CASTOR2: variants seen among roughly 807,000 people sequenced by gnomAD.
The protein encoded by CASTOR2 is GATS protein like 2.
CASTOR2 carries 8 observed loss-of-function variants against 31.2 expected under a neutral mutation model. The ratio of observed to expected loss-of-function variants is 0.26; its 90% CI spans 0.15 to 0.46. The LOEUF is 0.46. Ranked by LOEUF, CASTOR2 falls within the 20% of genes least tolerant of loss-of-function variation. The probability of loss-of-function intolerance (pLI) is 0.99; values close to 1 mark genes in which losing one functional copy is unlikely to be tolerated. For missense variants in CASTOR2, 216 were observed against 382.1 expected (o/e 0.57, Z 3.62); for synonymous variants, 162 against 158.7 (o/e 1.02, Z -0.16).
intron 1 of CASTOR2, among the ~76,000 whole-genome samples, chr7:74,989,983 T>G (rs1320458340): frequency 1.3e-5 from 2 of 152,140 alleles, no homozygotes; most frequent in Non-Finnish European, 2.9e-5. Context: ...TGAAAATCTG[T>G]ACATTTTGTT....
intron 2 of CASTOR2, among the ~76,000 whole-genome samples, chr7:75,011,947 A>G (rs1804760035): frequency 6.6e-6 from 1 of 151,638 alleles, no homozygotes; most frequent in Non-Finnish European, 1.5e-5. Context: ...AGCCTGGGGG[A>G]CAGAGTGAGA....
rs891305337 is a variant in CASTOR2 at position 75,026,605 on chromosome 7, C to A, written c.*1906C>A. Among the ~76,000 whole-genome samples, 569 of 152,260 alleles carry A rather than the reference C, an allele frequency of 3.7e-3. 5 individuals are homozygous for A. Among genetic ancestry groups the A allele is most frequent in the African/African-American group, 0.012 (484 of 41,542 alleles). On this transcript the variant is annotated 3_prime_UTR_variant, in exon 9 of 9. Transcript: ENST00000616305. ...CCTGGAAGCCCACCAGAAGGAGAAG[C>A]TGTTCTTTAAAATCCTTGTGGGTGT...
intron 1 of CASTOR2, among the ~76,000 whole-genome samples, chr7:75,000,255 C>G (rs1166430070): frequency 6.6e-6 from 1 of 152,120 alleles, no homozygotes. Flanking sequence ...ATGAATGCTA[C>G]TATTAGCCAC....
chr7:74,994,805 G>T (rs1382777125), intron 1 of CASTOR2, among the ~76,000 whole-genome samples: 1 of 152,022 alleles, frequency 6.6e-6, no homozygotes, highest in Non-Finnish European at 1.5e-5. Context: ...AGGGAGAGAA[G>T]TGCAAGTCTG....
At chr7:74,998,165 T>C (rs1804397454) in intron 1 of CASTOR2, among the ~76,000 whole-genome samples, 2 of 152,102 alleles carry the variant, frequency 1.3e-5, no homozygotes, top group Admixed American at 1.3e-4. Flanking sequence ...TTAACCCAAC[T>C]AAGCTTCGGT....
At chr7:74,985,969 C>T (rs587751269) in intron 1 of CASTOR2, among the ~76,000 whole-genome samples, 3,578 of 152,146 alleles carry the variant, frequency 0.024, 56 homozygotes, top group Non-Finnish European at 0.03. Flanking sequence ...ACTCTGTTGC[C>T]CAGGCTGGAG....
intron 1 of CASTOR2, among the ~76,000 whole-genome samples, chr7:74,992,079 A>C (rs1384738124): frequency 1.3e-5 from 2 of 152,044 alleles, no homozygotes; most frequent in Non-Finnish European, 2.9e-5. Context: ...GGTGAAGGGC[A>C]GGCTGGGGGC....
At chr7:74,999,406 G>T (rs1464682311) in intron 1 of CASTOR2, among the ~76,000 whole-genome samples, 1 of 151,848 alleles carries the variant, frequency 6.6e-6, no homozygotes, top group Non-Finnish European at 1.5e-5. Flanking sequence ...ACTTGAAAGG[G>T]CAGCTTCTAG....
intron 1 of CASTOR2, among the ~76,000 whole-genome samples, chr7:74,985,390 G>A (rs1306362223): frequency 1.3e-5 from 2 of 151,696 alleles, no homozygotes; most frequent in Non-Finnish European, 2.9e-5. Context: ...GACCAGCCTG[G>A]GCAACATAGT....
chr7:75,024,727 C>A lies in CASTOR2; in HGVS notation c.*28C>A. The A allele has an allele frequency of 1.3e-6, 2 of 1,551,572 alleles. No homozygotes were observed. The highest frequency in any genetic ancestry group is 1.7e-6 in the Non-Finnish European group (2 of 1,146,838). ...GGGTCTCTTCTGCTCCTCCCTGCCG[C>A]CGCCCGGGCCCAGCCCTAACCCTGA... On this transcript the variant is annotated 3_prime_UTR_variant, in exon 9 of 9. Coordinates refer to ENST00000616305, the MANE Select transcript of CASTOR2 (RefSeq NM_001145064.3).
rs961509965 is a variant in CASTOR2, at chr7:75,029,173, C to T, written c.*4474C>T. Among the ~76,000 whole-genome samples the T allele has an allele frequency of 1.4e-4, 21 of 152,174 alleles. No individual in the cohort carries two copies. Among genetic ancestry groups the T allele is most frequent in the African/African-American group, 4.8e-4 (20 of 41,432 alleles). ...ATTTGGTGATCTTCAAAGGTGAACA[C>T]AGGCCACCTCCCACTGGCCCCCTCC... is the stretch of plus-strand genomic sequence containing the variant. On this transcript the variant is annotated 3_prime_UTR_variant, in exon 9 of 9. Transcript: ENST00000616305.
intron 2 of CASTOR2, among the ~76,000 whole-genome samples, chr7:75,012,490 A>G (rs1289145767): frequency 6.6e-6 from 1 of 150,828 alleles, no homozygotes; most frequent in East Asian, 1.9e-4. Context: ...TATTTTTAGT[A>G]GAGACAGGGT....
At chr7:75,021,557 C>T (rs1805001179) in intron 6 of CASTOR2, among the ~76,000 whole-genome samples, 1 of 152,174 alleles carries the variant, frequency 6.6e-6, no homozygotes, top group African/African-American at 2.4e-5. Flanking sequence ...AACCGCAGCC[C>T]CGGTGCTATT....
At chr7:75,000,144 T>G (rs1183983604) in intron 1 of CASTOR2, among the ~76,000 whole-genome samples, 6 of 152,186 alleles carry the variant, frequency 3.9e-5, no homozygotes, top group Admixed American at 1.3e-4. Context: ...GAGGATCGCT[T>G]GAGCCCAGGA....
At chr7:75,012,482 T>A (rs1319858972) in intron 2 of CASTOR2, among the ~76,000 whole-genome samples, 3 of 150,624 alleles carry the variant, frequency 2.0e-5, no homozygotes, top group Non-Finnish European at 4.4e-5. Context: ...TTTTTTTGTA[T>A]TTTTAGTAGA....
intron 1 of CASTOR2, among the ~76,000 whole-genome samples, chr7:74,987,126 C>T (rs1256721863): frequency 2.6e-5 from 4 of 151,956 alleles, no homozygotes; most frequent in South Asian, 2.1e-4. Flanking sequence ...CAGCACCGGC[C>T]GGGCGCAGTG....
At chr7:74,997,027 G>T (rs1804369770) in intron 1 of CASTOR2, among the ~76,000 whole-genome samples, 1 of 150,526 alleles carries the variant, frequency 6.6e-6, no homozygotes, top group Admixed American at 6.6e-5. Context: ...GAGCCACCGC[G>T]CCCAGCCGCC....
At chr7:74,997,058 T>C (rs1804370668) in intron 1 of CASTOR2, among the ~76,000 whole-genome samples, 1 of 151,718 alleles carries the variant, frequency 6.6e-6, no homozygotes, top group Admixed American at 6.6e-5. Context: ...TTAATTTTAT[T>C]TTTTATTTTT....
intron 1 of CASTOR2, 120 bp from the exon 2 acceptor site, chr7:75,007,871 CCCA>C (rs1804640453): frequency 7.1e-7 from 1 of 1,417,998 alleles, no homozygotes; most frequent in Non-Finnish European, 9.9e-7. Context: ...CCGCGGTCAC[CCCA>C]GCAGCCTGGG....
Sources: gnomAD v4.1 joint callset for allele counts (sites outside exome capture counted in the v4.1 genomes callset) on GRCh38, gnomAD v4.1.1 for gene constraint, MANE v1.5 for transcripts, NCBI Gene and HGNC (gene_info 2026-07-23, HGNC 2026-07-21) for gene names.